UMOD: variants seen among roughly 807,000 people sequenced by gnomAD.
UMOD encodes uromodulin.
Under a neutral mutation model 66.0 loss-of-function variants are expected in UMOD, and 64 were observed. The ratio of observed to expected loss-of-function variants is 0.97; its 90% CI spans 0.79 to 1.19. UMOD has a LOEUF of 1.19. Ranked by LOEUF, UMOD falls within the 50% of genes most tolerant of loss-of-function variation. UMOD has a pLI of 0.00. For missense variants in UMOD, 764 were observed against 850.9 expected (o/e 0.90, Z 1.27); for synonymous variants, 398 against 352.7 (o/e 1.13, Z -1.44).
intron 6 of UMOD, among the ~76,000 whole-genome samples, chr16:20,343,129 C>CAATA (rs147846395): frequency 0.083 from 9,630 of 115,850 alleles, 828 homozygotes; most frequent in African/African-American, 0.22. Flanking sequence ...GACTCCGTCT[C>CAATA]AATAAATAAA....
At chr16:20,348,152 G>A in intron 4 of UMOD, 71 bp downstream of exon 4, 2 of 1,362,274 alleles carry the variant, frequency 1.5e-6, no homozygotes, top group South Asian at 2.3e-5. Flanking sequence ...AATCTCACAG[G>A]GGAGGAATGT....
chr16:20,343,501 G>A (rs1190134581), intron 6 of UMOD, among the ~76,000 whole-genome samples: 1 of 152,110 alleles, frequency 6.6e-6, no homozygotes, highest in Non-Finnish European at 1.5e-5. Context: ...CTGCTCTCTG[G>A]CACAACCACC....
At chr16:20,356,006 G>C (rs1181641549), upstream of UMOD, among the ~76,000 whole-genome samples, 1 of 152,146 alleles carries the variant, frequency 6.6e-6, no homozygotes, top group African/African-American at 2.4e-5. Context: ...GCCATGACAG[G>C]GTCTTAGAAG....
intron 6 of UMOD, among the ~76,000 whole-genome samples, chr16:20,341,797 C>G (rs1472860683): frequency 6.6e-6 from 1 of 152,226 alleles, no homozygotes; most frequent in Non-Finnish European, 1.5e-5. Flanking sequence ...ATGAGGCCTA[C>G]AACTTGCGTC....
At chr16:20,335,443 T>C in intron 10 of UMOD, 39 bp downstream of exon 10, 1 of 1,609,512 alleles carries the variant, frequency 6.2e-7, no homozygotes, top group African/African-American at 1.3e-5. Flanking sequence ...CCAGGAGAGT[T>C]CTGGAACAGG....
intron 2 of UMOD, 80 bp downstream of exon 2, chr16:20,350,570 G>T: frequency 6.5e-7 from 1 of 1,542,700 alleles, no homozygotes; most frequent in Non-Finnish European, 8.9e-7. Flanking sequence ...ACCTCTGACA[G>T]GTGCTACATT....
In UMOD at chr16:20,348,446, C is replaced by G. The variant is rs1441721309; in HGVS notation, c.855G>C (p.Ala285=). The G allele has an allele frequency of 3.1e-6, 5 of 1,613,798 alleles. No homozygotes were observed. Among genetic ancestry groups the G allele is most frequent in the Non-Finnish European group, 4.2e-6 (5 of 1,179,968 alleles). ...GAGACTCCGGCTGACCTGTGCAGTA[C>G]GCCAGGTGACACTCGGGGGGCGCTG... ...NLTAPPECHL[A]YCTDPSSVEG... is the part of the protein sequence containing the mutation. Residue 285 remains alanine, a synonymous_variant, in exon 3 of 11, where the codon GCG becomes GCC. Coordinates refer to ENST00000396138, the MANE Select transcript of UMOD (RefSeq NM_003361.4).
At chr16:20,343,963 A>G in intron 6 of UMOD, 61 bp downstream of exon 6, 4 of 1,601,534 alleles carry the variant, frequency 2.5e-6, no homozygotes, top group Middle Eastern at 4.4e-4. Flanking sequence ...AGGGAAGCTC[A>G]TGGTTAAGGG....
In UMOD at chr16:20,348,769, G is replaced by C; in HGVS notation, c.532C>G (p.Arg178Gly). The change falls in exon 3 of 11, where the codon CGC (arginine) becomes GGC (glycine). Residue 178 changes from arginine (R) to glycine (G), a missense_variant. By Grantham distance (125) the Arg-to-Gly change is moderately radical. Transcript: ENST00000396138. ...CTGCGCCAGTACTCGTCCAGGGTGC[G>C]GTGCGCCTGGCACGGATCCGCGCAC... ...LVCADPCQAH[R>G]TLDEYWRSTE... 6.5e-7 allele frequency: 1 copy of C among 1,543,668 alleles called. No individual in the cohort carries two copies. Among genetic ancestry groups the C allele is most frequent in the African/African-American group, 1.4e-5 (1 of 73,110 alleles).
At chr16:20,349,995 G>A (rs999435861) in intron 2 of UMOD, 37 of 1,028,998 alleles carry the variant, frequency 3.6e-5, no homozygotes, top group East Asian at 3.5e-4. Flanking sequence ...CAAGGGCCTC[G>A]TGAGGTCAGT....
chr16:20,335,349 C>T lies in UMOD; in HGVS notation c.1861+133G>A, dbSNP rs1255388307. ...AGGACCACTCAGGTTCTCTGAGCCA[C>T]TCTCCTTATTTAGAAAACGGAACTA... On this transcript the variant is annotated intron_variant, in intron 10 of 10. Transcript: ENST00000396138. The T allele has an allele frequency of 6.8e-6, 6 of 879,808 alleles. No individual in the cohort carries two copies. The Admixed American group carries it at 1.3e-4, about 19-fold the overall frequency. 54.5% of individuals were successfully genotyped at this position (879,808 alleles called of 1,614,324 possible).
At chr16:20,350,016 T>C in intron 2 of UMOD, 1 of 820,462 alleles carries the variant, frequency 1.2e-6, no homozygotes, top group Non-Finnish European at 1.8e-6. Context: ...TTTTTATGTA[T>C]CCTTATTTTA....
chr16:20,349,614 C>A lies in UMOD; in HGVS notation c.89-402G>T. 7 of 1,404,958 alleles carry A rather than the reference C, an allele frequency of 5.0e-6. No individual in the cohort carries two copies. The South Asian group carries it at 7.8e-5, about 16-fold the overall frequency. 87.0% of individuals were successfully genotyped at this position (1,404,958 alleles called of 1,614,324 possible). On this transcript the variant is annotated intron_variant, in intron 2 of 10. Coordinates refer to ENST00000396138, the MANE Select transcript of UMOD (RefSeq NM_003361.4). Reference sequence around the variant, plus strand: ...CACAGGCACGTGCAATCGCGCCCAGCTCCACCATTCATTTTTTGTGTTAAG... The same window carrying A: ...CACAGGCACGTGCAATCGCGCCCAGATCCACCATTCATTTTTTGTGTTAAG...
In UMOD at chr16:20,349,154, C is replaced by T. The variant is rs745594856; in HGVS notation, c.147G>A (p.Thr49=). The part of the protein sequence containing the change: ...ATCTEDEAVT[T]CTCQEGFTGD... Reference sequence around the variant, plus strand: ...CGGTGAAGCCCTCCTGACAGGTGCACGTCGTAACGGCCTCATCCTCCGTGC... The same window carrying T: ...CGGTGAAGCCCTCCTGACAGGTGCATGTCGTAACGGCCTCATCCTCCGTGC... The change falls in exon 3 of 11, where the codon ACG becomes ACA. Residue 49 remains threonine, a synonymous_variant. Transcript: ENST00000396138. 9.9e-6 allele frequency: 16 copies of T among 1,614,098 alleles called. No individual in the cohort carries two copies. The East Asian group carries it at 2.2e-4, about 22-fold the overall frequency.
At chr16:20,345,375 TCC>T (rs1445865237) in intron 5 of UMOD, among the ~76,000 whole-genome samples, 2 of 151,494 alleles carry the variant, frequency 1.3e-5, no homozygotes, top group Non-Finnish European at 2.9e-5. Flanking sequence ...CTTCCTTTCT[TCC>T]TTCCTTCCTT....
chr16:20,344,182 G>T lies in UMOD; in HGVS notation c.1183-10C>A. 1 of 1,601,656 alleles carries T rather than the reference G, an allele frequency of 6.2e-7. No individual in the cohort carries two copies. Among genetic ancestry groups the T allele is most frequent in the South Asian group, 1.1e-5 (1 of 90,762 alleles). On this transcript the variant is annotated splice_polypyrimidine_tract_variant and intron_variant, in intron 5 of 10. Transcript: ENST00000396138. The stretch of plus-strand genomic sequence containing the variant: ...CATGGGTTTCATTCCTCTGTTGCAG[G>T]GAATGGGGGTGGAGGGGGGGTGGGG...
chr16:20,336,865 G>T, intron 8 of UMOD, 138 bp from the exon 9 acceptor site: 1 of 727,450 alleles, frequency 1.4e-6, no homozygotes, highest in Non-Finnish European at 2.4e-6. Context: ...GTATACCGGG[G>T]CTCGTGCAGG....
At chr16:20,343,274 T>C (rs1965345158) in intron 6 of UMOD, among the ~76,000 whole-genome samples, 1 of 152,090 alleles carries the variant, frequency 6.6e-6, no homozygotes, top group Admixed American at 6.6e-5. Context: ...AAAAATAAAA[T>C]AAAATACTAC....
intron 5 of UMOD, among the ~76,000 whole-genome samples, chr16:20,345,400 T>TCTTTCTTTCTTTCTTTCTTTC (rs1965490852): frequency 1.3e-5 from 1 of 77,960 alleles, no homozygotes; most frequent in African/African-American, 4.3e-5. Context: ...TTTTCTTTTT[T>TCTTTCTTTCTTTCTTTCTTTC]TTTCTTTCTT....
Sources: gnomAD v4.1 joint callset for allele counts (sites outside exome capture counted in the v4.1 genomes callset) on GRCh38, gnomAD v4.1.1 for gene constraint, MANE v1.5 for transcripts, NCBI Gene and HGNC (gene_info 2026-07-23, HGNC 2026-07-21) for gene names.